CAMKMT: variants seen among roughly 807,000 people sequenced by gnomAD.
CAMKMT encodes calmodulin-lysine N-methyltransferase.
Under a neutral mutation model 48.0 loss-of-function variants are expected in CAMKMT, and 53 were observed. That is an observed-to-expected ratio of 1.10 (90% CI 0.89 to 1.39). The LOEUF is 1.39. Among genes scored for constraint, CAMKMT ranks in the 40% most tolerant of loss-of-function variants. The pLI is 0.00. For synonymous variants in CAMKMT, 165 were observed against 152.3 expected, an observed-to-expected ratio of 1.08 and a Z score of -0.61; for missense variants, 428 against 402.7, an observed-to-expected ratio of 1.06 and a Z score of -0.54.
At position 44,366,008 on chromosome 2, in the gene CAMKMT, A is replaced by T. The variant is rs1678551075; in HGVS notation, c.138+3863A>T. On this transcript the variant is annotated intron_variant, in intron 1 of 10. Coordinates refer to ENST00000378494, the MANE Select transcript of CAMKMT (RefSeq NM_024766.5). ...AAGTGAAGTTATTTTCTGAGTGTCAAATCTTTCTAGGTATTTGTAATTCTT... is the reference window on the plus strand; with the variant it reads ...AAGTGAAGTTATTTTCTGAGTGTCATATCTTTCTAGGTATTTGTAATTCTT... Among the ~76,000 whole-genome samples, 3 of 152,328 alleles carry T rather than the reference A, an allele frequency of 2.0e-5. No individual in the cohort carries two copies. In the East Asian group the frequency reaches 5.8e-4, roughly 29 times the overall value.
chr2:44,616,558 A>G (rs1046515085), intron 3 of CAMKMT, among the ~76,000 whole-genome samples: 3 of 152,200 alleles, frequency 2.0e-5, no homozygotes, highest in Non-Finnish European at 4.4e-5. Context: ...TTCACCAGAA[A>G]AGGTGATCAT....
intron 3 of CAMKMT, among the ~76,000 whole-genome samples, chr2:44,491,107 C>T (rs1022848323): frequency 2.7e-5 from 4 of 148,140 alleles, no homozygotes; most frequent in South Asian, 2.1e-4. Flanking sequence ...GCTGAGAGCA[C>T]GCCACTGCAC....
At chr2:44,650,830 G>T (rs1469429906) in intron 3 of CAMKMT, among the ~76,000 whole-genome samples, 2 of 144,882 alleles carry the variant, frequency 1.4e-5, no homozygotes, top group East Asian at 3.9e-4. Context: ...ACTGTATAAA[G>T]TTGTAAAACT....
rs1290788489 is a variant in CAMKMT at position 44,450,829 on chromosome 2, T to C, written c.376+60524T>C. The stretch of plus-strand genomic sequence containing the variant: ...TCTAGTAATGCTATTTAAAAATTGA[T>C]TTAATAGTGGGCTTTGAGATTTAGA... On this transcript the variant is annotated intron_variant, in intron 3 of 10. Transcript: ENST00000378494. Among the ~76,000 whole-genome samples, 4 of 152,146 alleles carry C rather than the reference T, an allele frequency of 2.6e-5. No individual in the cohort carries two copies. In the East Asian group the frequency reaches 7.7e-4, roughly 29 times the overall value.
At chr2:44,629,397 A>C (rs932736569) in intron 3 of CAMKMT, among the ~76,000 whole-genome samples, 6 of 141,582 alleles carry the variant, frequency 4.2e-5, no homozygotes, top group Non-Finnish European at 9.4e-5. Context: ...TGTTTTACCT[A>C]CCTATCTCAC....
chr2:44,591,066 A>G (rs1670233835), intron 3 of CAMKMT, among the ~76,000 whole-genome samples: 1 of 151,736 alleles, frequency 6.6e-6, no homozygotes, highest in Non-Finnish European at 1.5e-5. Flanking sequence ...ATAGTTGTAG[A>G]TATGTGGCGT....
At chr2:44,372,925 G>A (rs1679329913) in intron 2 of CAMKMT, 37 bp downstream of exon 2, 1 of 1,521,070 alleles carries the variant, frequency 6.6e-7, no homozygotes, top group East Asian at 2.3e-5. Flanking sequence ...GTAAACACTA[G>A]ATTTCTCTTG....
chr2:44,620,025 A>C (rs1406148289), intron 3 of CAMKMT, among the ~76,000 whole-genome samples: 3 of 152,164 alleles, frequency 2.0e-5, no homozygotes, highest in Non-Finnish European at 2.9e-5. Flanking sequence ...TTTTGAAGCA[A>C]ACCCAAGATA....
At chr2:44,577,748 T>C (rs140395482) in intron 3 of CAMKMT, among the ~76,000 whole-genome samples, 32 of 151,988 alleles carry the variant, frequency 2.1e-4, no homozygotes, top group African/African-American at 7.0e-4. Context: ...GACGAGATCC[T>C]CCCTTTACTA....
At chr2:44,686,066 T>C (rs2104199868) in intron 3 of CAMKMT, among the ~76,000 whole-genome samples, 1 of 152,280 alleles carries the variant, frequency 6.6e-6, no homozygotes, top group Admixed American at 6.5e-5. Context: ...GACACCTTCA[T>C]CAGCTCTCAT....
At position 44,557,322 on chromosome 2, in the gene CAMKMT, C is replaced by T. The variant is rs1425825674; in HGVS notation, c.377-146961C>T. 4.6e-5 allele frequency among the ~76,000 whole-genome samples: 7 copies of T among 151,514 alleles called. No individual in the cohort carries two copies. The East Asian group carries it at 1.4e-3, about 29-fold the overall frequency. ...TTTTTCCTATTTAAAAGTGTTAGTA[C>T]ATTCTCTTATTTGAGGAAATAAAAC... On this transcript the variant is annotated intron_variant, in intron 3 of 10. Coordinates refer to ENST00000378494, the MANE Select transcript of CAMKMT (RefSeq NM_024766.5).
chr2:44,441,118 A>T (rs1666631087), intron 3 of CAMKMT, among the ~76,000 whole-genome samples: 1 of 151,696 alleles, frequency 6.6e-6, no homozygotes, highest in African/African-American at 2.4e-5. Context: ...TTTTTTTCTC[A>T]CTTATTTGGT....
At chr2:44,489,125 C>T (rs1221322506) in intron 3 of CAMKMT, among the ~76,000 whole-genome samples, 1 of 152,122 alleles carries the variant, frequency 6.6e-6, no homozygotes, top group Non-Finnish European at 1.5e-5. Flanking sequence ...CTGCCTCAGC[C>T]TCCCAAAGTT....
intron 3 of CAMKMT, among the ~76,000 whole-genome samples, chr2:44,581,824 C>A (rs184630507): frequency 0.014 from 2,153 of 152,166 alleles, 29 homozygotes; most frequent in Non-Finnish European, 0.019. Context: ...TATGGTGAAA[C>A]CCCATCTCTA....
intron 3 of CAMKMT, among the ~76,000 whole-genome samples, chr2:44,696,670 C>G (rs944783558): frequency 2.6e-5 from 4 of 152,078 alleles, no homozygotes; most frequent in African/African-American, 9.6e-5. Flanking sequence ...GAGCCCCACA[C>G]CCTCACCCCA....
At chr2:44,711,001 C>A (rs1260449881) in intron 6 of CAMKMT, among the ~76,000 whole-genome samples, 1 of 152,056 alleles carries the variant, frequency 6.6e-6, no homozygotes, top group Non-Finnish European at 1.5e-5. Context: ...TGGGTAAATC[C>A]CCTGTGCTTT....
chr2:44,388,774 C>A (rs1363392293), intron 2 of CAMKMT, among the ~76,000 whole-genome samples: 1 of 152,210 alleles, frequency 6.6e-6, no homozygotes, highest in East Asian at 1.9e-4. Flanking sequence ...GATGTCTCTC[C>A]TGGGTTCTAG....
chr2:44,508,668 T>C (rs1398043684), intron 3 of CAMKMT, among the ~76,000 whole-genome samples: 1 of 152,234 alleles, frequency 6.6e-6, no homozygotes, highest in East Asian at 1.9e-4. Context: ...TGAATAACTT[T>C]CTATGGGATT....
At chr2:44,756,431 T>C (rs748165356) in intron 9 of CAMKMT, among the ~76,000 whole-genome samples, 10 of 152,128 alleles carry the variant, frequency 6.6e-5, no homozygotes, top group Non-Finnish European at 1.0e-4. Flanking sequence ...GCCCAGAGGC[T>C]GAAGGTGTCA....
Sources: gnomAD v4.1 joint callset for allele counts (sites outside exome capture counted in the v4.1 genomes callset) on GRCh38, gnomAD v4.1.1 for gene constraint, MANE v1.5 for transcripts, NCBI Gene and HGNC (gene_info 2026-07-23, HGNC 2026-07-21) for gene names.